DTD1: variants seen among roughly 807,000 people sequenced by gnomAD.
DTD1 encodes the protein D-aminoacyl-tRNA deacylase 1, also known as D-tyrosyl-tRNA deacylase 1 homolog.
In DTD1, 13 loss-of-function variants were observed where a neutral mutation model predicts 25.6. The ratio of observed to expected loss-of-function variants is 0.51; its 90% confidence interval spans 0.33 to 0.81. The LOEUF is 0.81. Ranked by LOEUF, DTD1 falls within the 30% of genes least tolerant of loss-of-function variation. The pLI is 0.02. For synonymous variants in DTD1, 110 were observed against 103.6 expected (o/e 1.06, Z -0.37); for missense variants, 193 against 266.4 (o/e 0.72, Z 1.92).
chr20:18,693,783 G>A (rs1192257642), intron 4 of DTD1, among the ~76,000 whole-genome samples: 2 of 152,140 alleles, frequency 1.3e-5, no homozygotes, highest in East Asian at 3.9e-4. Context: ...TGTGTATCCA[G>A]TCTCAGTGAG....
At chr20:18,618,712 C>CACAT (rs555385345) in intron 3 of DTD1, among the ~76,000 whole-genome samples, 4,070 of 138,554 alleles carry the variant, frequency 0.029, 116 homozygotes, top group African/African-American at 0.074. Flanking sequence ...CACACACACA[C>CACAT]ATATAATTTT....
At chr20:18,683,344 C>T (rs2061004566) in intron 4 of DTD1, among the ~76,000 whole-genome samples, 1 of 152,154 alleles carries the variant, frequency 6.6e-6, no homozygotes, top group African/African-American at 2.4e-5. Context: ...CTGGGAACTG[C>T]CTTTCTTATT....
chr20:18,602,623 CA>C, intron 3 of DTD1, among the ~76,000 whole-genome samples: 1 of 7,618 alleles, frequency 1.3e-4, no homozygotes, highest in East Asian at 1.8e-3. Context: ...CAATATTCAA[CA>C]TTCTTAAAGA....
At chr20:18,669,528 G>A (rs969410395) in intron 4 of DTD1, among the ~76,000 whole-genome samples, 1 of 152,208 alleles carries the variant, frequency 6.6e-6, no homozygotes, top group African/African-American at 2.4e-5. Flanking sequence ...TTGGCTTTCT[G>A]TTCCTCATCT....
intron 4 of DTD1, among the ~76,000 whole-genome samples, chr20:18,687,447 C>A (rs1159730251): frequency 6.6e-6 from 1 of 152,198 alleles, no homozygotes; most frequent in Non-Finnish European, 1.5e-5. Context: ...AAGGAGAAAT[C>A]TCTTCCACAG....
rs2061376523 is a variant in DTD1, at chr20:18,765,521, A to G, written c.*2181A>G. Reference sequence around the variant, plus strand: ...TCCATCATCCTGAAAATCACTTTCAACTCCTGGGATCAGAGAAATAGCAGT... The same window carrying G: ...TCCATCATCCTGAAAATCACTTTCAGCTCCTGGGATCAGAGAAATAGCAGT... On this transcript the variant is annotated 3_prime_UTR_variant, in exon 6 of 6. Transcript: ENST00000377452. The G allele has an allele frequency of 1.3e-5, 2 of 152,184 alleles. No individual in the cohort carries two copies. The highest frequency in any genetic ancestry group is 2.4e-5 in the African/African-American group (1 of 41,438). The allele number at this position is 152,184 out of a possible 1,614,324, so 9.4% of individuals were successfully genotyped here.
At chr20:18,665,390 G>T (rs960407904) in intron 4 of DTD1, among the ~76,000 whole-genome samples, 15 of 152,228 alleles carry the variant, frequency 9.9e-5, no homozygotes, top group African/African-American at 3.6e-4. Context: ...GATCAGCCCC[G>T]GCTCTGGGGA....
chr20:18,720,313 A>C (rs1038377566), intron 4 of DTD1, among the ~76,000 whole-genome samples: 1 of 152,242 alleles, frequency 6.6e-6, no homozygotes, highest in Non-Finnish European at 1.5e-5. Context: ...TGCAGATCAG[A>C]CATAAAATAT....
At chr20:18,732,905 C>G (rs540442871) in intron 4 of DTD1, among the ~76,000 whole-genome samples, 1 of 152,272 alleles carries the variant, frequency 6.6e-6, no homozygotes, top group Admixed American at 6.5e-5. Context: ...GACACGTAAA[C>G]CAATGTAAGC....
intron 3 of DTD1, among the ~76,000 whole-genome samples, chr20:18,599,453 G>T (rs971913678): frequency 1.3e-5 from 2 of 152,230 alleles, no homozygotes; most frequent in Non-Finnish European, 1.5e-5. Flanking sequence ...GGGATTACAG[G>T]TGTGAGCCAC....
At chr20:18,737,265 G>A (rs1231795663) in intron 4 of DTD1, among the ~76,000 whole-genome samples, 1 of 132,606 alleles carries the variant, frequency 7.5e-6, no homozygotes, top group Non-Finnish European at 1.7e-5. Flanking sequence ...GCCACGGTGT[G>A]CCTGGGAGTG....
Position 18,648,013 on chromosome 20 carries a change from T to G in DTD1, c.477+19780T>G, listed in dbSNP as rs563078804. On this transcript the variant is annotated intron_variant, in intron 4 of 5. Coordinates refer to ENST00000377452, the MANE Select transcript of DTD1 (RefSeq NM_080820.6). ...TCTCTTCTGTTCCCTGAATCACTGT[T>G]GGCCCTGCAGGACCAGTTGTTCTCT... 2.0e-5 allele frequency among the ~76,000 whole-genome samples: 3 copies of G among 152,316 alleles called. No individual in the cohort carries two copies. In the South Asian group the frequency reaches 6.2e-4, roughly 32 times the overall value.
At chr20:18,674,932 G>A (rs979955097) in intron 4 of DTD1, 11 of 152,232 alleles carry the variant, frequency 7.2e-5, no homozygotes, top group African/African-American at 2.4e-4. Context: ...AGCATAGCAG[G>A]TTACTCCCAA....
At chr20:18,726,315 A>G (rs1285059221) in intron 4 of DTD1, among the ~76,000 whole-genome samples, 1 of 152,168 alleles carries the variant, frequency 6.6e-6, no homozygotes, top group Non-Finnish European at 1.5e-5. Flanking sequence ...AATGTTCCTG[A>G]TCTTGATTTA....
intron 5 of DTD1, among the ~76,000 whole-genome samples, chr20:18,747,262 G>A (rs967217777): frequency 6.6e-6 from 1 of 152,150 alleles, no homozygotes; most frequent in South Asian, 2.1e-4. Context: ...TAACTTTTGG[G>A]TGACAGTGAG....
intron 3 of DTD1, among the ~76,000 whole-genome samples, chr20:18,616,862 G>A: frequency 6.6e-6 from 1 of 152,198 alleles, no homozygotes; most frequent in East Asian, 1.9e-4. Context: ...TTGCACTCCT[G>A]CACTAATGGC....
intron 4 of DTD1, among the ~76,000 whole-genome samples, chr20:18,693,140 G>A (rs56027283): frequency 0.33 from 50,167 of 151,838 alleles, 8,634 homozygotes; most frequent in Non-Finnish European, 0.38. Flanking sequence ...TGATCCACCC[G>A]CCTCGGCTTC....
intron 4 of DTD1, among the ~76,000 whole-genome samples, chr20:18,720,196 C>T (rs1335914972): frequency 2.0e-5 from 3 of 152,092 alleles, no homozygotes; most frequent in African/African-American, 2.4e-5. Flanking sequence ...TTTTTATTTT[C>T]AAGACTCTAG....
At chr20:18,676,310 A>C (rs1312654949) in intron 4 of DTD1, among the ~76,000 whole-genome samples, 1 of 152,214 alleles carries the variant, frequency 6.6e-6, no homozygotes, top group Non-Finnish European at 1.5e-5. Flanking sequence ...TGGAGTCAGC[A>C]CATCATTGTG....
Sources: allele counts gnomAD v4.1 joint callset (sites outside exome capture counted in the v4.1 genomes callset), GRCh38; gene constraint gnomAD v4.1.1; transcripts MANE v1.5; gene names NCBI Gene and HGNC (gene_info 2026-07-23, HGNC 2026-07-21).